PTPRG: variants seen among roughly 807,000 people sequenced by gnomAD.
PTPRG encodes the protein protein tyrosine phosphatase receptor type G, also known as receptor-type tyrosine-protein phosphatase gamma.
A neutral mutation model predicts 165.3 loss-of-function variants in PTPRG; 102 were observed. The ratio of observed to expected loss-of-function variants is 0.62; its 90% CI spans 0.53 to 0.73. The LOEUF is 0.73. PTPRG is among the 30% of genes least tolerant of loss of function. PTPRG has a pLI of 0.00. For missense variants in PTPRG, 1,866 were observed against 1,861.4 expected (o/e 1.00, Z -0.05); for synonymous variants, 675 against 669.5 (o/e 1.01, Z -0.13).
chr3:61,986,993 T>C (rs1431222558), intron 2 of PTPRG, among the ~76,000 whole-genome samples: 2 of 152,156 alleles, frequency 1.3e-5, no homozygotes, highest in African/African-American at 4.8e-5. Context: ...ATGAGTCTTG[T>C]GGAACTGCAA....
intron 1 of PTPRG, among the ~76,000 whole-genome samples, chr3:61,579,320 G>A (rs948366653): frequency 3.3e-5 from 5 of 152,188 alleles, no homozygotes; most frequent in African/African-American, 1.2e-4. Context: ...TTTTACTCTT[G>A]TGTAGTATTT....
rs149397874 is a variant in PTPRG at position 61,784,117 on chromosome 3, C to A, written c.190+35135C>A. On this transcript the variant is annotated intron_variant, in intron 2 of 29. Coordinates refer to ENST00000474889, the MANE Select transcript of PTPRG (RefSeq NM_002841.4). ...AAGGCTAGGAATGGTGAAAACTACA[C>A]TGTGGACCTAAGAGCAGTGGGTGAG... Among the ~76,000 whole-genome samples the A allele has an allele frequency of 1.7e-3, 252 of 152,244 alleles. 1 individual carries two copies. Among genetic ancestry groups the A allele is most frequent in the African/African-American group, 5.8e-3 (242 of 41,556 alleles).
intron 6 of PTPRG, among the ~76,000 whole-genome samples, chr3:62,144,749 G>T (rs555399477): frequency 1.3e-5 from 2 of 152,268 alleles, no homozygotes; most frequent in South Asian, 4.1e-4. Context: ...CACCACCATA[G>T]ATGTGAGCTA....
intron 2 of PTPRG, among the ~76,000 whole-genome samples, chr3:61,980,521 T>C (rs2040615436): frequency 1.3e-5 from 2 of 152,238 alleles, no homozygotes; most frequent in Admixed American, 1.3e-4. Flanking sequence ...TTTAGGGTTG[T>C]TATTTTTATA....
chr3:61,773,769 C>G (rs1394698110), intron 2 of PTPRG, among the ~76,000 whole-genome samples: 2 of 149,182 alleles, frequency 1.3e-5, no homozygotes, highest in Admixed American at 1.4e-4. Context: ...AAAACCTTCT[C>G]CCCCATTGAC....
At chr3:61,906,071 T>C (rs2038641748) in intron 2 of PTPRG, among the ~76,000 whole-genome samples, 1 of 152,142 alleles carries the variant, frequency 6.6e-6, no homozygotes, top group Non-Finnish European at 1.5e-5. Flanking sequence ...ACATGTGACA[T>C]TATTAAAGTT....
intron 4 of PTPRG, among the ~76,000 whole-genome samples, chr3:62,042,605 C>T (rs933509021): frequency 2.0e-5 from 3 of 152,138 alleles, no homozygotes; most frequent in Non-Finnish European, 4.4e-5. Flanking sequence ...CTTTGGGTCT[C>T]AGCTTAGCTG....
intron 2 of PTPRG, among the ~76,000 whole-genome samples, chr3:61,922,193 A>T (rs965355960): frequency 6.6e-6 from 1 of 152,182 alleles, no homozygotes; most frequent in Non-Finnish European, 1.5e-5. Flanking sequence ...TACTAAAATC[A>T]CTTCAAGGGA....
intron 1 of PTPRG, among the ~76,000 whole-genome samples, chr3:61,705,987 TG>T (rs2031229720): frequency 6.6e-6 from 1 of 152,220 alleles, no homozygotes; most frequent in African/African-American, 2.4e-5. Context: ...TCTGTTTTCA[TG>T]TGCCCTAAGG....
At chr3:62,277,463 C>A (rs779503648) in intron 25 of PTPRG, 88 bp from the exon 26 acceptor site, 74 of 1,422,176 alleles carry the variant, frequency 5.2e-5, no homozygotes, top group Non-Finnish European at 7.1e-5. Flanking sequence ...CAAAACAGTG[C>A]TATCTTATTT....
intron 1 of PTPRG, among the ~76,000 whole-genome samples, chr3:61,662,909 C>G (rs1193027669): frequency 1.3e-5 from 2 of 152,202 alleles, no homozygotes; most frequent in Non-Finnish European, 2.9e-5. Context: ...AGAACAGATG[C>G]AGAGTATACA....
intron 5 of PTPRG, among the ~76,000 whole-genome samples, chr3:62,091,178 A>C (rs1352694428): frequency 2.0e-5 from 3 of 152,250 alleles, no homozygotes; most frequent in Non-Finnish European, 4.4e-5. Flanking sequence ...ATATCGCTTC[A>C]GTATGTCAAA....
At chr3:62,114,309 A>G (rs1702781461) in intron 5 of PTPRG, among the ~76,000 whole-genome samples, 2 of 151,974 alleles carry the variant, frequency 1.3e-5, no homozygotes, top group Admixed American at 1.3e-4. Context: ...AAACAAAAAC[A>G]AACAAACAAA....
At chr3:61,586,611 G>A (rs2106811190) in intron 1 of PTPRG, among the ~76,000 whole-genome samples, 1 of 152,332 alleles carries the variant, frequency 6.6e-6, no homozygotes, top group Middle Eastern at 3.4e-3. Context: ...GACTTCCTGG[G>A]AAGGAACTGG....
At chr3:62,010,147 G>C (rs2041386226) in intron 4 of PTPRG, among the ~76,000 whole-genome samples, 1 of 152,098 alleles carries the variant, frequency 6.6e-6, no homozygotes, top group South Asian at 2.1e-4. Context: ...TTGAACTCCT[G>C]ATCTCAAGCA....
At chr3:62,133,064 G>T (rs1703575146) in intron 6 of PTPRG, among the ~76,000 whole-genome samples, 1 of 152,160 alleles carries the variant, frequency 6.6e-6, no homozygotes, top group African/African-American at 2.4e-5. Flanking sequence ...AGCCAGACAA[G>T]TTATTAAACT....
intron 6 of PTPRG, 47 bp from the exon 7 acceptor site, chr3:62,157,020 G>A (rs1452955407): frequency 1.3e-6 from 2 of 1,518,254 alleles, no homozygotes; most frequent in Non-Finnish European, 1.8e-6. Context: ...GGCTCGGAAT[G>A]GCATGACTTA....
At chr3:62,064,538 C>T (rs1700939624) in intron 4 of PTPRG, among the ~76,000 whole-genome samples, 1 of 151,992 alleles carries the variant, frequency 6.6e-6, no homozygotes, top group Non-Finnish European at 1.5e-5. Flanking sequence ...ATTTATTATG[C>T]ATATCAAGTT....
chr3:61,786,500 G>A (rs2034707916), intron 2 of PTPRG, among the ~76,000 whole-genome samples: 1 of 152,142 alleles, frequency 6.6e-6, no homozygotes, highest in Non-Finnish European at 1.5e-5. Context: ...TTTTTAAAGA[G>A]CCAGGCTGGT....
Sources: gnomAD v4.1 joint callset for allele counts (sites outside exome capture counted in the v4.1 genomes callset) on GRCh38, gnomAD v4.1.1 for gene constraint, MANE v1.5 for transcripts, NCBI Gene and HGNC (gene_info 2026-07-23, HGNC 2026-07-21) for gene names.